PJA2: variants seen among roughly 807,000 people sequenced by gnomAD.
PJA2 encodes praja ring finger ubiquitin ligase 2.
In PJA2, 25 loss-of-function variants were observed where a neutral mutation model predicts 69.3. That is an observed-to-expected ratio of 0.36 (90% CI 0.26 to 0.50). The LOEUF (loss-of-function observed/expected upper bound fraction) is 0.50. PJA2 is among the 20% of genes least tolerant of loss of function. PJA2 has a pLI of 0.96. For missense variants in PJA2, 809 were observed against 830.2 expected (o/e 0.97, Z 0.31); for synonymous variants, 308 against 277.8 (o/e 1.11, Z -1.08).
intron 9 of PJA2, among the ~76,000 whole-genome samples, chr5:109,340,929 C>G (rs1434592985): frequency 2.3e-4 from 28 of 120,528 alleles, no homozygotes; most frequent in East Asian, 4.0e-4. Flanking sequence ...GACGGAGTCT[C>G]GTTCACTCAG....
chr5:109,406,246 T>G (rs948263089), intron 1 of PJA2, among the ~76,000 whole-genome samples: 4 of 152,162 alleles, frequency 2.6e-5, no homozygotes, highest in Non-Finnish European at 5.9e-5. Context: ...TTCACCGTGT[T>G]AGCCAGGATG....
chr5:109,376,256 T>A (rs1746883913), intron 4 of PJA2, among the ~76,000 whole-genome samples: 2 of 132,588 alleles, frequency 1.5e-5, no homozygotes, highest in Non-Finnish European at 1.6e-5. Flanking sequence ...ATATTGTTTG[T>A]AAAAAAAAAA....
rs751760781 is a variant in PJA2 at position 109,344,724 on chromosome 5, A to T, written c.1860T>A (p.Leu620=). Residue 620 remains leucine (L), a synonymous_variant, in exon 8 of 10, where the codon CTT becomes CTA. Transcript: ENST00000361189. ...CCTTACCAGTGTGATCTTCAAGAAC[A>T]AGGGTCTCTGGAAGACCATCAATGC... ...KESIDGLPET[L]VLEDHTAIGQ... is the part of the protein sequence containing the mutation. 6.2e-7 allele frequency: 1 copy of T among 1,613,422 alleles called. No individual in the cohort carries two copies. Among genetic ancestry groups the T allele is most frequent in the Admixed American group, 1.7e-5 (1 of 59,998 alleles).
rs113103939 is a variant in PJA2, at chr5:109,382,835, G to A, written c.31+568C>T. 9.7e-3 allele frequency among the ~76,000 whole-genome samples: 1,351 copies of A among 139,068 alleles called. 13 individuals carry two copies. The highest frequency in any genetic ancestry group is 0.035 in the African/African-American group (1,299 of 37,482). 91.2% of individuals were successfully genotyped at this position (139,068 alleles called of 152,430 possible). On this transcript the variant is annotated intron_variant, in intron 2 of 9. Transcript: ENST00000361189. The stretch of plus-strand genomic sequence containing the variant: ...TGCACTCCAGCTTGGGTGACAGTTC[G>A]AAACTCCATCTCAAAAAAAAAAAAA...
intron 7 of PJA2, among the ~76,000 whole-genome samples, chr5:109,352,753 G>A (rs1021060681): frequency 1.1e-4 from 17 of 151,850 alleles, no homozygotes; most frequent in African/African-American, 3.9e-4. Flanking sequence ...GCATGTGTGT[G>A]CACAGATGGA....
At position 109,378,572 on chromosome 5, in the gene PJA2, G is replaced by T. The variant is rs775389572; in HGVS notation, c.915C>A (p.Asn305Lys). ...CTACCTGTTCAGGAGAACTTCCATGGTTCTTTTCCCTATCATTGGTATTTT... is the reference window on the plus strand; with the variant it reads ...CTACCTGTTCAGGAGAACTTCCATGTTTCTTTTCCCTATCATTGGTATTTT... ...SEQNTNDREKNHGSSPEQVVR... is the reference protein window; with the variant it reads ...SEQNTNDREKKHGSSPEQVVR... The change falls in exon 4 of 10, where the codon AAC becomes AAA. Residue 305 changes from asparagine (N) to lysine (K), a missense_variant. By Grantham distance (94) the Asn-to-Lys change is moderately conservative. Transcript: ENST00000361189. 2 of 1,614,072 alleles carry T rather than the reference G, an allele frequency of 1.2e-6. No individual in the cohort carries two copies. Among genetic ancestry groups the T allele is most frequent in the Middle Eastern group, 1.6e-4 (1 of 6,062 alleles).
At chr5:109,399,280 C>A (rs1185515914) in intron 1 of PJA2, among the ~76,000 whole-genome samples, 9 of 151,734 alleles carry the variant, frequency 5.9e-5, no homozygotes, top group Non-Finnish European at 1.3e-4. Context: ...ATCATTGGCC[C>A]ATACCCAAAA....
rs761273582 is a variant in PJA2, at chr5:109,337,206, C to T, written c.*25G>A. 9 of 1,609,248 alleles carry T rather than the reference C, an allele frequency of 5.6e-6. No homozygotes were observed. The African/African-American group carries it at 8.0e-5, about 14-fold the overall frequency. On this transcript the variant is annotated 3_prime_UTR_variant, in exon 10 of 10. Coordinates refer to ENST00000361189, the MANE Select transcript of PJA2 (RefSeq NM_014819.5). ...GAATTTGCAGATTTACTTTGATACA[C>T]TGATCTCATTTCAACTGTCAAGGTT...
At chr5:109,397,575 G>A (rs550603177) in intron 1 of PJA2, among the ~76,000 whole-genome samples, 372 of 152,158 alleles carry the variant, frequency 2.4e-3, no homozygotes, top group African/African-American at 8.6e-3. Context: ...CTGGAGGGCA[G>A]TGGTGCGATC....
At chr5:109,387,226 T>C (rs1747179047) in intron 1 of PJA2, among the ~76,000 whole-genome samples, 1 of 152,122 alleles carries the variant, frequency 6.6e-6, no homozygotes, top group South Asian at 2.1e-4. Flanking sequence ...TAATAGTAGT[T>C]CTTGTGTTAT....
intron 7 of PJA2, among the ~76,000 whole-genome samples, chr5:109,347,687 G>A (rs770200912): frequency 6.6e-6 from 1 of 152,196 alleles, no homozygotes; most frequent in African/African-American, 2.4e-5. Flanking sequence ...TCCTCCATAA[G>A]CCATGGCTGT....
intron 1 of PJA2, among the ~76,000 whole-genome samples, chr5:109,406,359 GT>G (rs1747694173): frequency 6.6e-6 from 1 of 152,014 alleles, no homozygotes; most frequent in Non-Finnish European, 1.5e-5. Context: ...TTGTTTGTTT[GT>G]TTTTTAATGA....
chr5:109,390,590 T>C (rs563272033), intron 1 of PJA2: 2 of 152,218 alleles, frequency 1.3e-5, no homozygotes, highest in East Asian at 1.9e-4. Flanking sequence ...ATTACCAATG[T>C]AGTCTGGTTT....
chr5:109,349,870 T>C (rs950556189), intron 7 of PJA2, among the ~76,000 whole-genome samples: 3 of 152,288 alleles, frequency 2.0e-5, no homozygotes, highest in East Asian at 1.9e-4. Context: ...AACTTTCCCA[T>C]TGCAAGATAG....
chr5:109,343,080 GAA>G (rs1454036749), intron 9 of PJA2, among the ~76,000 whole-genome samples: 5 of 109,936 alleles, frequency 4.5e-5, no homozygotes, highest in Non-Finnish European at 9.3e-5. Context: ...GAAAGGTGGG[GAA>G]AAGATTGAGA....
intron 1 of PJA2, among the ~76,000 whole-genome samples, chr5:109,401,180 A>G (rs1207481872): frequency 1.3e-5 from 2 of 151,916 alleles, no homozygotes; most frequent in East Asian, 1.9e-4. Flanking sequence ...GATACTTGGG[A>G]GACTGAGGCA....
At chr5:109,402,376 T>C (rs930061140) in intron 1 of PJA2, among the ~76,000 whole-genome samples, 6 of 152,056 alleles carry the variant, frequency 3.9e-5, no homozygotes, top group Non-Finnish European at 8.8e-5. Flanking sequence ...AAAAGGAGGC[T>C]GGAGAGGCTG....
chr5:109,352,774 A>G (rs1008963256), intron 7 of PJA2, among the ~76,000 whole-genome samples: 10 of 151,530 alleles, frequency 6.6e-5, no homozygotes, highest in Admixed American at 4.0e-4. Flanking sequence ...CAGATATCTA[A>G]TATCTATAGA....
Position 109,381,804 on chromosome 5 carries a change from A to C in PJA2, c.32-101T>G, listed in dbSNP as rs1297739819. 3.3e-6 allele frequency: 3 copies of C among 921,160 alleles called. No individual in the cohort carries two copies. In the East Asian group the frequency reaches 7.8e-5, roughly 24 times the overall value. 57.1% of individuals were successfully genotyped at this position (921,160 alleles called of 1,614,324 possible). ...TCAGTTTATATTTTATTATTTATCA[A>C]ATCATATGCTTCTGAACATGAAGTG... On this transcript the variant is annotated intron_variant, in intron 2 of 9. Coordinates refer to ENST00000361189, the MANE Select transcript of PJA2 (RefSeq NM_014819.5).
Sources: allele counts gnomAD v4.1 joint callset (sites outside exome capture counted in the v4.1 genomes callset), GRCh38; gene constraint gnomAD v4.1.1; transcripts MANE v1.5; gene names NCBI Gene and HGNC (gene_info 2026-07-23, HGNC 2026-07-21).